PKHD1: variants seen among roughly 807,000 people sequenced by gnomAD.
PKHD1 encodes PKHD1 ciliary IPT domain containing fibrocystin/polyductin.
Under a neutral mutation model 412.0 loss-of-function variants are expected in PKHD1, and 291 were observed. The observed-to-expected ratio is 0.71, with a 90% CI of 0.64 to 0.78. The LOEUF (loss-of-function observed/expected upper bound fraction) is 0.78. Ranked by LOEUF, PKHD1 falls within the 30% of genes least tolerant of loss-of-function variation. The pLI is 0.00. For missense variants in PKHD1, 4,825 were observed against 4,950.7 expected (o/e 0.97, Z 0.76); for synonymous variants, 1,777 against 1,821.5 (o/e 0.98, Z 0.62).
chr6:51,745,408 C>A (rs1181477872), intron 59 of PKHD1, among the ~76,000 whole-genome samples: 1 of 152,142 alleles, frequency 6.6e-6, no homozygotes, highest in Non-Finnish European at 1.5e-5. Flanking sequence ...CATTTCTTCT[C>A]CTATGTGAGA....
chr6:51,946,626 G>A (rs1789491879), intron 36 of PKHD1, among the ~76,000 whole-genome samples: 1 of 152,188 alleles, frequency 6.6e-6, no homozygotes, highest in African/African-American at 2.4e-5. Flanking sequence ...GCTGAAATCA[G>A]CCTTTGGCTG....
chr6:51,782,354 CT>C (rs1562298758), intron 53 of PKHD1, among the ~76,000 whole-genome samples: 1 of 152,072 alleles, frequency 6.6e-6, no homozygotes, highest in African/African-American at 2.4e-5. Context: ...ACAGATCTTT[CT>C]ATTCTTAATA....
chr6:52,034,508 A>T (rs550444992), intron 28 of PKHD1, among the ~76,000 whole-genome samples: 1 of 152,216 alleles, frequency 6.6e-6, no homozygotes, highest in Non-Finnish European at 1.5e-5. Context: ...GCAAATATAT[A>T]TTAAAATAAT....
intron 56 of PKHD1, among the ~76,000 whole-genome samples, chr6:51,754,284 A>AT (rs1283180144): frequency 9.2e-5 from 14 of 152,022 alleles, no homozygotes; most frequent in African/African-American, 2.9e-4. Context: ...TTTTTCTTTC[A>AT]TTTTTTGCAG....
chr6:51,923,520 A>G (rs1785043570), intron 37 of PKHD1, among the ~76,000 whole-genome samples: 1 of 129,908 alleles, frequency 7.7e-6, no homozygotes, highest in African/African-American at 2.5e-5. Context: ...AAAAAAAAGA[A>G]AAAAAAAAAA....
At chr6:51,625,956 T>C (rs1008625852) in intron 66 of PKHD1, among the ~76,000 whole-genome samples, 1 of 152,144 alleles carries the variant, frequency 6.6e-6, no homozygotes, top group Non-Finnish European at 1.5e-5. Context: ...CACACCCCCA[T>C]ACCCTCTACC....
At chr6:51,627,930 A>G (rs972477749) in intron 65 of PKHD1, among the ~76,000 whole-genome samples, 2 of 152,180 alleles carry the variant, frequency 1.3e-5, no homozygotes, top group African/African-American at 4.8e-5. Context: ...GTGAGTAAAA[A>G]AGATCTGATC....
intron 60 of PKHD1, among the ~76,000 whole-genome samples, chr6:51,717,141 A>T (rs911920030): frequency 3.9e-5 from 6 of 152,304 alleles, no homozygotes; most frequent in African/African-American, 1.4e-4. Flanking sequence ...ATGGACTCCA[A>T]TGGCTCACGC....
At chr6:51,650,293 T>C (rs1256451861) in intron 61 of PKHD1, among the ~76,000 whole-genome samples, 1 of 152,150 alleles carries the variant, frequency 6.6e-6, no homozygotes, top group African/African-American at 2.4e-5. Flanking sequence ...ATTGTCCCAT[T>C]AAGCCTATTG....
intron 45 of PKHD1, 93 bp from the exon 46 acceptor site, chr6:51,883,320 A>C (rs1777675956): frequency 8.7e-7 from 1 of 1,155,580 alleles, no homozygotes. Context: ...AAGTAGAAAG[A>C]AGCATGCTAT....
At chr6:51,806,396 C>T (rs1480822780) in intron 52 of PKHD1, among the ~76,000 whole-genome samples, 2 of 152,068 alleles carry the variant, frequency 1.3e-5, no homozygotes, top group Non-Finnish European at 2.9e-5. Context: ...GAAGATGGTG[C>T]CATGTGCTGG....
chr6:52,069,459 G>A lies in PKHD1; in HGVS notation c.776C>T (p.Ser259Leu), dbSNP rs1160054242. ...TACTTGGTGAAGGGGGATAGTACCT[G>A]AGTGTGTCTGGTATAGGAAAAGATC... is the stretch of plus-strand genomic sequence containing the variant. ...KQDLFLYQTH[S>L]EILSVFPETG... The change falls in exon 11 of 67, where the codon TCA becomes TTA. Residue 259 changes from serine (S) to leucine (L), a missense_variant and splice_region_variant. Transcript: ENST00000371117. 1 of 1,606,394 alleles carries A rather than the reference G, an allele frequency of 6.2e-7. No individual in the cohort carries two copies. Among genetic ancestry groups the A allele is most frequent in the East Asian group, 2.2e-5 (1 of 44,838 alleles).
chr6:51,949,773 A>G (rs1790034263), intron 36 of PKHD1, among the ~76,000 whole-genome samples: 1 of 152,132 alleles, frequency 6.6e-6, no homozygotes, highest in African/African-American at 2.4e-5. Flanking sequence ...TCAGGCTTTA[A>G]GGATTGGGGG....
chr6:51,826,371 C>G (rs1023390661), intron 52 of PKHD1, among the ~76,000 whole-genome samples: 10 of 152,278 alleles, frequency 6.6e-5, no homozygotes, highest in African/African-American at 2.4e-4. Context: ...AATTCTACCA[C>G]ACACATAAAC....
chr6:52,023,154 T>C (rs1801654390), intron 32 of PKHD1, among the ~76,000 whole-genome samples: 1 of 152,182 alleles, frequency 6.6e-6, no homozygotes, highest in Non-Finnish European at 1.5e-5. Context: ...AATATCCTAT[T>C]GTGTTAAAGA....
chr6:51,932,633 T>C (rs925306328), intron 37 of PKHD1, among the ~76,000 whole-genome samples: 1 of 152,188 alleles, frequency 6.6e-6, no homozygotes, highest in Non-Finnish European at 1.5e-5. Context: ...GGCTACAAAA[T>C]CAATGTAGTT....
intron 60 of PKHD1, among the ~76,000 whole-genome samples, chr6:51,679,439 T>C (rs1776326638): frequency 1.3e-5 from 2 of 152,040 alleles, no homozygotes; most frequent in African/African-American, 4.8e-5. Context: ...TAGGACTTTT[T>C]TTTTTTTTGC....
At chr6:51,901,527 G>T (rs181448390) in intron 43 of PKHD1, among the ~76,000 whole-genome samples, 16 of 152,118 alleles carry the variant, frequency 1.1e-4, no homozygotes, top group Non-Finnish European at 1.9e-4. Context: ...TTGTGGGGTG[G>T]GGGGAGTGGG....
At chr6:51,698,829 T>C (rs558819909) in intron 60 of PKHD1, among the ~76,000 whole-genome samples, 189 of 152,338 alleles carry the variant, frequency 1.2e-3, no homozygotes, top group Non-Finnish European at 2.2e-3. Context: ...AATAAAGTGA[T>C]GGGTTTTAAC....
Sources: gnomAD v4.1 joint callset for allele counts (sites outside exome capture counted in the v4.1 genomes callset) on GRCh38, gnomAD v4.1.1 for gene constraint, MANE v1.5 for transcripts, NCBI Gene and HGNC (gene_info 2026-07-23, HGNC 2026-07-21) for gene names.